Variants in CCSER2 observed in about 807,000 individuals in gnomAD.
The protein encoded by CCSER2 is serine-rich coiled-coil domain-containing protein 2.
A neutral mutation model predicts 92.3 loss-of-function variants in CCSER2; 46 were observed. That is an observed-to-expected ratio of 0.50 (90% CI 0.39 to 0.64). The LOEUF (loss-of-function observed/expected upper bound fraction) is 0.64, where lower values mean the gene tolerates loss of function less well. Among genes scored for constraint, CCSER2 ranks in the 30% least tolerant of loss-of-function variants. The probability of loss-of-function intolerance (pLI) is 0.00; values close to 1 mark genes in which losing one functional copy is unlikely to be tolerated. For missense variants in CCSER2, 1,244 were observed against 1,238.9 expected, an observed-to-expected ratio of 1.00 and a Z score of -0.06; for synonymous variants, 433 against 431.4, an observed-to-expected ratio of 1.00 and a Z score of -0.04.
intron 4 of CCSER2, among the ~76,000 whole-genome samples, chr10:84,419,089 G>A (rs548955884): frequency 1.7e-4 from 26 of 152,100 alleles, no homozygotes; most frequent in Admixed American, 1.2e-3. Flanking sequence ...TAAGCCATAC[G>A]AAATGGTCAC....
At chr10:84,493,860 A>T (rs546161167) in intron 9 of CCSER2, among the ~76,000 whole-genome samples, 1 of 152,290 alleles carries the variant, frequency 6.6e-6, no homozygotes, top group East Asian at 1.9e-4. Context: ...ACTCACCATA[A>T]TGTGGAATCA....
rs5786657 is a variant in CCSER2, at chr10:84,435,638, CAAAAA to C, written c.1869-2860_1869-2856del. On this transcript the variant is annotated intron_variant, in intron 5 of 9. Transcript: ENST00000372088. ...ATACATGTTCCTTACCCATTCAGTG[CAAAAA>C]AAAAAAAAAAAAACAAGAACAACAA... Among the ~76,000 whole-genome samples the C allele has an allele frequency of 4.3e-4, 46 of 106,850 alleles. No individual in the cohort carries two copies. The South Asian group carries it at 4.3e-3, about 10-fold the overall frequency. 70.1% of individuals were successfully genotyped at this position (106,850 alleles called of 152,430 possible).
rs1440018200 is a variant in CCSER2, at chr10:84,352,299, T to C, written c.-39-18715T>C. 2.2e-5 allele frequency among the ~76,000 whole-genome samples: 3 copies of C among 135,118 alleles called. No individual in the cohort carries two copies. The Admixed American group carries it at 2.5e-4, about 11-fold the overall frequency. The allele number at this position is 135,118 out of a possible 152,430, so 88.6% of individuals were successfully genotyped here. ...AGCCTGGCGACAGAGGAAGACTCTGTCTCAAAAAAAACAAAAACAAAATAG... is the reference window on the plus strand; with the variant it reads ...AGCCTGGCGACAGAGGAAGACTCTGCCTCAAAAAAAACAAAAACAAAATAG... On this transcript the variant is annotated intron_variant, in intron 1 of 9. Transcript: ENST00000372088.
intron 9 of CCSER2, among the ~76,000 whole-genome samples, chr10:84,507,558 C>A: frequency 6.6e-6 from 1 of 152,114 alleles, no homozygotes; most frequent in Admixed American, 6.5e-5. Context: ...GTCTGTTATG[C>A]AGTAGCATTA....
intron 3 of CCSER2, among the ~76,000 whole-genome samples, chr10:84,414,925 A>G (rs766415620): frequency 2.0e-5 from 3 of 151,996 alleles, no homozygotes; most frequent in South Asian, 4.2e-4. Flanking sequence ...TCTTTCCTCT[A>G]CTTAGTCTAT....
intron 1 of CCSER2, among the ~76,000 whole-genome samples, chr10:84,342,723 C>T (rs1844263447): frequency 1.3e-5 from 2 of 152,136 alleles, no homozygotes; most frequent in African/African-American, 4.8e-5. Flanking sequence ...TACTCATTCC[C>T]CCGCAACATT....
At chr10:84,457,272 T>TTATAGATTATATATA (rs1564684493) in intron 6 of CCSER2, among the ~76,000 whole-genome samples, 1 of 16,830 alleles carries the variant, frequency 5.9e-5, no homozygotes, top group Non-Finnish European at 9.1e-5. Flanking sequence ...ATATTATATA[T>TTATAGATTATATATA]AATATATTAT....
At chr10:84,364,708 A>T (rs1018626311) in intron 1 of CCSER2, among the ~76,000 whole-genome samples, 3 of 151,974 alleles carry the variant, frequency 2.0e-5, no homozygotes, top group African/African-American at 4.8e-5. Flanking sequence ...TTACAGTTTT[A>T]AAAAAAGGCA....
At chr10:84,459,614 C>G (rs1229422037) in intron 6 of CCSER2, among the ~76,000 whole-genome samples, 1 of 152,086 alleles carries the variant, frequency 6.6e-6, no homozygotes, top group African/African-American at 2.4e-5. Flanking sequence ...CCTTGACTTC[C>G]CAGGCTCAGG....
chr10:84,444,721 A>C (rs1844799656), intron 6 of CCSER2, among the ~76,000 whole-genome samples: 1 of 152,218 alleles, frequency 6.6e-6, no homozygotes. Context: ...TTTATTAAAT[A>C]GTACTGTTTA....
intron 8 of CCSER2, among the ~76,000 whole-genome samples, chr10:84,473,717 A>G (rs990255953): frequency 1.3e-5 from 2 of 152,168 alleles, no homozygotes; most frequent in South Asian, 2.1e-4. Flanking sequence ...TAACATCTCT[A>G]TTCTTAATAT....
chr10:84,376,124 C>G (rs1305876330), intron 3 of CCSER2, among the ~76,000 whole-genome samples: 1 of 152,098 alleles, frequency 6.6e-6, no homozygotes, highest in East Asian at 1.9e-4. Flanking sequence ...CATTCTGATG[C>G]AATCTCCTAA....
chr10:84,367,531 C>T (rs1354744547), intron 1 of CCSER2, among the ~76,000 whole-genome samples: 3 of 151,998 alleles, frequency 2.0e-5, no homozygotes, highest in Non-Finnish European at 4.4e-5. Flanking sequence ...TGTGTGCCAC[C>T]ATGCCTGGCT....
intron 1 of CCSER2, among the ~76,000 whole-genome samples, chr10:84,346,760 T>TATATA (rs1554830896): frequency 1.6e-4 from 16 of 98,020 alleles, no homozygotes; most frequent in African/African-American, 4.9e-4. Flanking sequence ...TTCTTTTTTT[T>TATATA]TATATATATA....
rs1564684774 is a variant in CCSER2 at position 84,457,288 on chromosome 10, ATATATT to A, written c.2065-6644_2065-6639del. ...TATTATATATAATATATTATATATTATATATTATATATAATATGTTATATATAATAT... is the reference window on the plus strand; with the variant it reads ...TATTATATATAATATATTATATATTAATATATAATATGTTATATATAATAT... On this transcript the variant is annotated intron_variant, in intron 6 of 9. Coordinates refer to ENST00000372088, the MANE Select transcript of CCSER2 (RefSeq NM_001284240.2). Among the ~76,000 whole-genome samples, 25 of 74,422 alleles carry A rather than the reference ATATATT, an allele frequency of 3.4e-4. 2 individuals are homozygous for A. The highest frequency in any genetic ancestry group is 1.2e-3 in the East Asian group (4 of 3,226). The allele number at this position is 74,422 out of a possible 152,430, so 48.8% of individuals were successfully genotyped here.
At chr10:84,356,394 T>C (rs1437112247) in intron 1 of CCSER2, among the ~76,000 whole-genome samples, 1 of 152,186 alleles carries the variant, frequency 6.6e-6, no homozygotes, top group Non-Finnish European at 1.5e-5. Context: ...GGTGTCCTAG[T>C]TGCTATTAAG....
Position 84,486,110 on chromosome 10 carries a change from A to C in CCSER2, c.2325+8446A>C, listed in dbSNP as rs542362177. Among the ~76,000 whole-genome samples, 15 of 152,276 alleles carry C rather than the reference A, an allele frequency of 9.9e-5. No individual in the cohort carries two copies. The East Asian group carries it at 2.9e-3, about 29-fold the overall frequency. Reference sequence around the variant, plus strand: ...ATGGCTGCATAGTATTCCATGGTGTATATGTGCCACATTTTCTTAATCCAG... The same window carrying C: ...ATGGCTGCATAGTATTCCATGGTGTCTATGTGCCACATTTTCTTAATCCAG... On this transcript the variant is annotated intron_variant, in intron 9 of 9. Coordinates refer to ENST00000372088, the MANE Select transcript of CCSER2 (RefSeq NM_001284240.2).
At chr10:84,425,415 TTA>T (rs1843375551) in intron 4 of CCSER2, among the ~76,000 whole-genome samples, 1 of 152,212 alleles carries the variant, frequency 6.6e-6, no homozygotes, top group African/African-American at 2.4e-5. Flanking sequence ...CTAAAACTGA[TTA>T]TGAGTGTTTA....
At chr10:84,424,548 C>T (rs113785211) in intron 4 of CCSER2, among the ~76,000 whole-genome samples, 76 of 152,180 alleles carry the variant, frequency 5.0e-4, no homozygotes, top group African/African-American at 1.8e-3. Flanking sequence ...TTTAAAACTA[C>T]AATATCCTTT....
Sources: gnomAD v4.1 joint callset for allele counts (sites outside exome capture counted in the v4.1 genomes callset) on GRCh38, gnomAD v4.1.1 for gene constraint, MANE v1.5 for transcripts, NCBI Gene and HGNC (gene_info 2026-07-23, HGNC 2026-07-21) for gene names.